CPA6: variants seen among roughly 807,000 people sequenced by gnomAD.
The protein encoded by CPA6 is carboxypeptidase A6.
CPA6 carries 58 observed loss-of-function variants against 63.3 expected under a neutral mutation model. The ratio of observed to expected loss-of-function variants is 0.92; its 90% CI spans 0.74 to 1.14. The LOEUF (loss-of-function observed/expected upper bound fraction) is 1.14, where lower values mean the gene tolerates loss of function less well. Ranked by LOEUF, CPA6 falls within the 50% of genes most tolerant of loss-of-function variation. The pLI, the probability that CPA6 is intolerant of heterozygous loss-of-function variation, is 0.00. For missense variants in CPA6, 565 were observed against 526.6 expected, an observed-to-expected ratio of 1.07 and a Z score of -0.71; for synonymous variants, 185 against 179.0, an observed-to-expected ratio of 1.03 and a Z score of -0.27.
At chr8:67,680,309 C>T (rs138917709) in intron 1 of CPA6, among the ~76,000 whole-genome samples, 57 of 151,882 alleles carry the variant, frequency 3.8e-4, no homozygotes, top group Admixed American at 7.9e-4. Context: ...CAAGAACAGC[C>T]GGGGAAACAT....
chr8:67,634,271 G>C (rs1815417067), intron 1 of CPA6, among the ~76,000 whole-genome samples: 1 of 149,142 alleles, frequency 6.7e-6, no homozygotes, highest in Non-Finnish European at 1.5e-5. Context: ...CCAGGCTGGA[G>C]TGCAGTGGCA....
intron 2 of CPA6, among the ~76,000 whole-genome samples, chr8:67,524,779 A>G (rs1391486442): frequency 6.6e-6 from 1 of 152,094 alleles, no homozygotes; most frequent in Non-Finnish European, 1.5e-5. Context: ...TTCTTTAAAT[A>G]TATCCTCTCT....
intron 8 of CPA6, among the ~76,000 whole-genome samples, chr8:67,444,574 G>A (rs1233645340): frequency 6.6e-6 from 1 of 151,632 alleles, no homozygotes. Context: ...ACTTGAGATC[G>A]GGAGTTCGAG....
chr8:67,640,860 A>C (rs1389911001), intron 1 of CPA6, among the ~76,000 whole-genome samples: 1 of 151,090 alleles, frequency 6.6e-6, no homozygotes, highest in Non-Finnish European at 1.5e-5. Flanking sequence ...TGAACCCGAC[A>C]CTCCTGGGGC....
At chr8:67,465,643 CT>C (rs1008889558) in intron 8 of CPA6, among the ~76,000 whole-genome samples, 2 of 152,080 alleles carry the variant, frequency 1.3e-5, no homozygotes, top group Admixed American at 6.6e-5. Flanking sequence ...TCATAGATGG[CT>C]AGTTTCTGGA....
At chr8:67,704,477 T>C (rs1313242888) in intron 1 of CPA6, among the ~76,000 whole-genome samples, 1 of 152,210 alleles carries the variant, frequency 6.6e-6, no homozygotes. Context: ...GACAAGAATA[T>C]AGGCCAGCTG....
At chr8:67,523,537 A>C (rs535786553) in intron 2 of CPA6, among the ~76,000 whole-genome samples, 1 of 152,286 alleles carries the variant, frequency 6.6e-6, no homozygotes, top group East Asian at 1.9e-4. Context: ...TCAAAAAACA[A>C]AAACAAAAAC....
In CPA6 at chr8:67,574,620, A is replaced by G. The variant is rs569157376; in HGVS notation, c.192+49556T>C. Reference sequence around the variant, plus strand: ...GGTCAATGAACTTGACAAAGGTGCCAAGAATATACAATGGGAAAAGGACAG... The same window carrying G: ...GGTCAATGAACTTGACAAAGGTGCCGAGAATATACAATGGGAAAAGGACAG... On this transcript the variant is annotated intron_variant, in intron 2 of 10. Transcript: ENST00000297770. Among the ~76,000 whole-genome samples, 3 of 152,326 alleles carry G rather than the reference A, an allele frequency of 2.0e-5. No homozygotes were observed. The East Asian group carries it at 5.8e-4, about 29-fold the overall frequency.
intron 8 of CPA6, among the ~76,000 whole-genome samples, chr8:67,453,138 G>C (rs1036427703): frequency 6.6e-6 from 1 of 152,142 alleles, no homozygotes; most frequent in South Asian, 2.1e-4. Context: ...AGGGGGGCAA[G>C]GGTAGCAGCT....
intron 8 of CPA6, among the ~76,000 whole-genome samples, chr8:67,436,875 A>G (rs1810169009): frequency 6.6e-6 from 1 of 152,210 alleles, no homozygotes; most frequent in Non-Finnish European, 1.5e-5. Context: ...ATAAACTAGT[A>G]GAAAATATTT....
At chr8:67,720,223 T>G (rs1044065387) in intron 1 of CPA6, among the ~76,000 whole-genome samples, 8 of 152,006 alleles carry the variant, frequency 5.3e-5, no homozygotes, top group Admixed American at 2.6e-4. Context: ...GAAAAGGACT[T>G]TCACAAGGTA....
rs377215949 is a variant in CPA6 at position 67,422,455 on chromosome 8, T to G, written c.*49A>C. 9 of 1,519,782 alleles carry G rather than the reference T, an allele frequency of 5.9e-6. No homozygotes were observed. The African/African-American group carries it at 1.1e-4, about 19-fold the overall frequency. 94.1% of individuals were successfully genotyped at this position (1,519,782 alleles called of 1,614,324 possible). ...AAAACAATTTCTATCCAGGGCCAAG[T>G]AGGCCTTGCTCAGAATCCTATGGCA... On this transcript the variant is annotated 3_prime_UTR_variant, in exon 11 of 11. Transcript: ENST00000297770.
intron 2 of CPA6, among the ~76,000 whole-genome samples, chr8:67,616,938 T>C (rs1465122637): frequency 6.6e-6 from 1 of 152,178 alleles, no homozygotes. Flanking sequence ...TGGAGATTAC[T>C]TTCTATAAAA....
At chr8:67,623,411 C>CTT (rs879384048) in intron 2 of CPA6, among the ~76,000 whole-genome samples, 1 of 147,086 alleles carries the variant, frequency 6.8e-6, no homozygotes, top group Non-Finnish European at 1.5e-5. Context: ...AGAAAATTTT[C>CTT]TTTTTTTTTT....
At chr8:67,572,378 C>T (rs1230813786) in intron 2 of CPA6, among the ~76,000 whole-genome samples, 1 of 152,130 alleles carries the variant, frequency 6.6e-6, no homozygotes, top group East Asian at 1.9e-4. Context: ...AAAGACTGGG[C>T]TAATTCCCAC....
intron 2 of CPA6, among the ~76,000 whole-genome samples, chr8:67,558,206 G>A (rs1021134189): frequency 3.9e-5 from 6 of 152,216 alleles, no homozygotes; most frequent in African/African-American, 1.2e-4. Context: ...CCTTTGCATA[G>A]CTAACTTTCT....
chr8:67,660,322 G>GTTTTTTTTTTTTTTTT (rs869189030), intron 1 of CPA6, among the ~76,000 whole-genome samples: 2 of 73,906 alleles, frequency 2.7e-5, no homozygotes, highest in African/African-American at 6.3e-5. Flanking sequence ...ATTATTGCAG[G>GTTTTTTTTTTTTTTTT]TTTTTTTTTT....
intron 1 of CPA6, among the ~76,000 whole-genome samples, chr8:67,711,860 C>G (rs1035057077): frequency 6.6e-6 from 1 of 152,164 alleles, no homozygotes; most frequent in Non-Finnish European, 1.5e-5. Flanking sequence ...CAGTCTGGTT[C>G]TACACCAATC....
chr8:67,600,680 TA>T (rs761470652), intron 2 of CPA6, among the ~76,000 whole-genome samples: 12 of 152,160 alleles, frequency 7.9e-5, no homozygotes, highest in Admixed American at 2.0e-4. Flanking sequence ...AGTCAAATAG[TA>T]TCAAATGGTG....
Sources: allele counts gnomAD v4.1 joint callset (sites outside exome capture counted in the v4.1 genomes callset), GRCh38; gene constraint gnomAD v4.1.1; transcripts MANE v1.5; gene names NCBI Gene and HGNC (gene_info 2026-07-23, HGNC 2026-07-21).